ANXA13: variants seen among roughly 807,000 people sequenced by gnomAD.
ANXA13 encodes the protein annexin XIII.
ANXA13 carries 36 observed loss-of-function variants against 46.6 expected under a neutral mutation model. The observed-to-expected ratio is 0.77, with a 90% CI of 0.59 to 1.02. The LOEUF (loss-of-function observed/expected upper bound fraction) is 1.02. Ranked by LOEUF, ANXA13 falls within the 50% of genes least tolerant of loss-of-function variation. ANXA13 has a pLI of 0.00. For synonymous variants in ANXA13, 163 were observed against 152.9 expected, an observed-to-expected ratio of 1.07 and a Z score of -0.49; for missense variants, 417 against 396.5, an observed-to-expected ratio of 1.05 and a Z score of -0.44.
At chr8:123,735,847 G>A (rs74368673) in intron 1 of ANXA13, 1 of 1,611,960 alleles carries the variant, frequency 6.2e-7, no homozygotes, top group Admixed American at 1.7e-5. Context: ...GGCAACTGTT[G>A]ACTGCCTTCT....
At chr8:123,711,320 T>C (rs191224001) in intron 2 of ANXA13, among the ~76,000 whole-genome samples, 6 of 152,340 alleles carry the variant, frequency 3.9e-5, no homozygotes, top group Non-Finnish European at 5.9e-5. Context: ...CTTCCCTCCC[T>C]GTCCTGTTCA....
chr8:123,690,322 A>G lies in ANXA13; in HGVS notation c.643-1376T>C, dbSNP rs1425948122. ...TAAATTTTCTGTAGAATCTCAGCCTACAAAACAGATGAAAGCAGAAAGCAG... is the reference window on the plus strand; with the variant it reads ...TAAATTTTCTGTAGAATCTCAGCCTGCAAAACAGATGAAAGCAGAAAGCAG... On this transcript the variant is annotated intron_variant, in intron 8 of 10. Coordinates refer to ENST00000419625, the MANE Select transcript of ANXA13 (RefSeq NM_004306.4). This position sits in a 1 kb window ranked among gnomAD's most constrained non-coding sequence, Gnocchi z 4.6. 1.3e-5 allele frequency among the ~76,000 whole-genome samples: 2 copies of G among 152,250 alleles called. No homozygotes were observed.
In ANXA13 at chr8:123,712,527, A is replaced by T. The variant is rs1385050123; in HGVS notation, c.91+151T>A. On this transcript the variant is annotated intron_variant, in intron 2 of 10. Transcript: ENST00000419625. Reference sequence around the variant, plus strand: ...ATCCTACTGTAATTTTGCGAACTTTAATAAAGAGGTTAGTGGAAGTGATTG... The same window carrying T: ...ATCCTACTGTAATTTTGCGAACTTTTATAAAGAGGTTAGTGGAAGTGATTG... 1.6e-5 allele frequency: 11 copies of T among 694,818 alleles called. 1 individual carries two copies. The highest frequency in any genetic ancestry group is 2.8e-5 in the Non-Finnish European group (11 of 397,714). The allele number at this position is 694,818 out of a possible 1,614,324, so 43.0% of individuals were successfully genotyped here. A position where few individuals can be genotyped will look rare whatever the true frequency, so the allele number is the denominator to read the frequency against.
chr8:123,701,324 G>C (rs1252119596), intron 3 of ANXA13, among the ~76,000 whole-genome samples: 1 of 152,102 alleles, frequency 6.6e-6, no homozygotes, highest in Non-Finnish European at 1.5e-5. Context: ...ACAAAAATTA[G>C]CTGGGCATGG....
chr8:123,687,454 G>A (rs759705867), intron 9 of ANXA13, among the ~76,000 whole-genome samples: 3 of 152,054 alleles, frequency 2.0e-5, no homozygotes, highest in Non-Finnish European at 4.4e-5. Context: ...TGCAACCTCC[G>A]GCATAAATGG....
chr8:123,723,314 T>C (rs1813921485), intron 1 of ANXA13, among the ~76,000 whole-genome samples: 1 of 152,228 alleles, frequency 6.6e-6, no homozygotes, highest in Non-Finnish European at 1.5e-5. Flanking sequence ...TGGAGAATGT[T>C]TCTACTTAAG....
chr8:123,682,558 G>A (rs1813058773), intron 10 of ANXA13, among the ~76,000 whole-genome samples: 1 of 152,194 alleles, frequency 6.6e-6, no homozygotes, highest in Non-Finnish European at 1.5e-5. Context: ...TGAGAGAAAT[G>A]ATCAGGATGG....
chr8:123,696,450 G>A (rs1813337935), intron 4 of ANXA13, among the ~76,000 whole-genome samples: 1 of 152,170 alleles, frequency 6.6e-6, no homozygotes, highest in African/African-American at 2.4e-5. Context: ...TGTGTTCTTG[G>A]AGAAACTGCT....
intron 1 of ANXA13, among the ~76,000 whole-genome samples, chr8:123,733,594 C>T: frequency 6.6e-6 from 1 of 152,240 alleles, no homozygotes; most frequent in Non-Finnish European, 1.5e-5. Flanking sequence ...TGTTCACAAA[C>T]AACGTGGCAG....
chr8:123,715,105 C>T (rs1813736869), intron 1 of ANXA13, among the ~76,000 whole-genome samples: 1 of 152,200 alleles, frequency 6.6e-6, no homozygotes, highest in African/African-American at 2.4e-5. Context: ...TGTAAGAAAG[C>T]TATTTGGTGC....
At chr8:123,722,635 A>T (rs574278313) in intron 1 of ANXA13, among the ~76,000 whole-genome samples, 2 of 152,204 alleles carry the variant, frequency 1.3e-5, no homozygotes, top group Non-Finnish European at 2.9e-5. Context: ...ACTATTGTCA[A>T]ATTCTGCTCC....
chr8:123,715,241 A>G (rs1446648674), intron 1 of ANXA13, among the ~76,000 whole-genome samples: 1 of 152,236 alleles, frequency 6.6e-6, no homozygotes. Context: ...TATTAAGCCA[A>G]GCACAGGGCC....
chr8:123,683,558 C>A (rs1389682369), intron 10 of ANXA13, among the ~76,000 whole-genome samples: 2 of 151,212 alleles, frequency 1.3e-5, no homozygotes, highest in Admixed American at 6.6e-5. Context: ...GTCTGTGGCC[C>A]CATATCCCGA....
chr8:123,695,402 A>G lies in ANXA13; in HGVS notation c.471+100T>C, dbSNP rs913767420. Reference sequence around the variant, plus strand: ...CCCTTGATAATATTTTTAATATAAGAAAGAAATGTTTATCTACGTTACCCT... The same window carrying G: ...CCCTTGATAATATTTTTAATATAAGGAAGAAATGTTTATCTACGTTACCCT... On this transcript the variant is annotated intron_variant, in intron 6 of 10. Transcript: ENST00000419625. 3.4e-6 allele frequency: 3 copies of G among 885,930 alleles called. No homozygotes were observed. The African/African-American group carries it at 5.0e-5, about 15-fold the overall frequency. 54.9% of individuals were successfully genotyped at this position (885,930 alleles called of 1,614,324 possible). A position where few individuals can be genotyped will look rare whatever the true frequency, so the allele number is the denominator to read the frequency against.
At chr8:123,712,625 G>C (rs1813681040) in intron 2 of ANXA13, 53 bp downstream of exon 2, 22 of 1,511,732 alleles carry the variant, frequency 1.5e-5, no homozygotes, top group Non-Finnish European at 1.9e-5. Context: ...TTGGACATGA[G>C]ACCAAGTTTA....
chr8:123,694,158 G>C (rs1027618749), intron 6 of ANXA13, among the ~76,000 whole-genome samples: 1 of 152,160 alleles, frequency 6.6e-6, no homozygotes, highest in Non-Finnish European at 1.5e-5. Context: ...GCTGGTCATG[G>C]AAGTCTAACT....
intron 1 of ANXA13, among the ~76,000 whole-genome samples, chr8:123,735,174 C>G (rs1814231250): frequency 6.7e-6 from 1 of 149,868 alleles, no homozygotes. Flanking sequence ...ATGTTGAGCA[C>G]AGCTATTGAA....
chr8:123,715,720 AAAG>A (rs1484693338), intron 1 of ANXA13, among the ~76,000 whole-genome samples: 1 of 152,216 alleles, frequency 6.6e-6, no homozygotes, highest in Non-Finnish European at 1.5e-5. Context: ...TCATTTGCAC[AAAG>A]AAGCTGTGAG....
intron 1 of ANXA13, among the ~76,000 whole-genome samples, chr8:123,736,148 A>G (rs1221074187): frequency 1.3e-5 from 2 of 152,232 alleles, no homozygotes; most frequent in Non-Finnish European, 2.9e-5. Context: ...TCCTAAGAAT[A>G]TATTTGTAAG....
Sources: allele counts gnomAD v4.1 joint callset (sites outside exome capture counted in the v4.1 genomes callset), GRCh38; gene constraint gnomAD v4.1.1; non-coding constraint Gnocchi (gnomAD v3.1); transcripts MANE v1.5; gene names NCBI Gene and HGNC (gene_info 2026-07-23, HGNC 2026-07-21).